SLC2A12: variants seen among roughly 807,000 people sequenced by gnomAD.
The protein encoded by SLC2A12 is solute carrier family 2 member 12.
SLC2A12 carries 23 observed loss-of-function variants against 41.8 expected under a neutral mutation model. The ratio of observed to expected loss-of-function variants is 0.55; its 90% CI spans 0.40 to 0.78. The LOEUF (loss-of-function observed/expected upper bound fraction) is 0.78. Among genes scored for constraint, SLC2A12 ranks in the 30% least tolerant of loss-of-function variants. The pLI is 0.00. For missense variants in SLC2A12, 654 were observed against 745.6 expected (o/e 0.88, Z 1.43); for synonymous variants, 295 against 285.9 (o/e 1.03, Z -0.32).
intron 4 of SLC2A12, among the ~76,000 whole-genome samples, chr6:133,992,552 T>A (rs1329914033): frequency 6.6e-6 from 1 of 152,192 alleles, no homozygotes; most frequent in Non-Finnish European, 1.5e-5. Context: ...GTTGTGTGTT[T>A]GATTCAGCCA....
intron 1 of SLC2A12, among the ~76,000 whole-genome samples, chr6:134,041,136 C>G (rs9885805): frequency 0.083 from 12,635 of 152,156 alleles, 1,468 homozygotes; most frequent in African/African-American, 0.26. Context: ...TTAAAGCAGT[C>G]TGTATTTCTT....
rs151202816 is a variant in SLC2A12, at chr6:134,028,849, C to A, written c.976G>T (p.Val326Phe). The change falls in exon 2 of 5, where the codon GTC becomes TTC. Residue 326 changes from valine (V) to phenylalanine (F), a missense_variant. Physicochemically the swap from Val to Phe is conservative, Grantham distance 50. Around this residue, in one of 3 missense-constraint regions of SLC2A12, gnomAD observed 411 missense variants for 412.1 expected, o/e 1.00. Transcript: ENST00000275230. ...GCAGGGATGGTGCTAATGACCTTGA[C>A]GACTCCAACCCCAGTGGAGGCGAGG... The part of the protein sequence containing the change: ...ASLASTGVGV[V>F]KVISTIPATL... 14 of 1,614,182 alleles carry A rather than the reference C, an allele frequency of 8.7e-6. No individual in the cohort carries two copies. The highest frequency in any genetic ancestry group is 1.2e-5 in the Non-Finnish European group (14 of 1,180,044).
At chr6:134,036,410 C>T (rs374642781) in intron 1 of SLC2A12, among the ~76,000 whole-genome samples, 22 of 152,330 alleles carry the variant, frequency 1.4e-4, no homozygotes, top group South Asian at 1.2e-3. Flanking sequence ...CTGAAGTCCA[C>T]TTCTCAGTCC....
intron 1 of SLC2A12, among the ~76,000 whole-genome samples, chr6:134,034,134 T>C (rs1777260882): frequency 6.6e-6 from 1 of 152,218 alleles, no homozygotes. Flanking sequence ...TTCTATATGA[T>C]AACATATATC....
intron 2 of SLC2A12, among the ~76,000 whole-genome samples, chr6:134,022,538 GAAAAGAAAAGAAAAGA>G (rs1469573144): frequency 1.2e-4 from 1 of 8,586 alleles, no homozygotes; most frequent in African/African-American, 1.1e-3. Flanking sequence ...TCTCAAAAAA[GAAAAGAAAAGAAAAGA>G]AAAGAAAAGA....
chr6:134,029,431 C>A lies in SLC2A12; in HGVS notation c.394G>T (p.Val132Phe). 1 of 1,614,106 alleles carries A rather than the reference C, an allele frequency of 6.2e-7. No individual in the cohort carries two copies. The highest frequency in any genetic ancestry group is 8.5e-7 in the Non-Finnish European group (1 of 1,180,026). The change falls in exon 2 of 5, where the codon GTT becomes TTT. Residue 132 changes from valine to phenylalanine, a missense_variant. Val to Phe is a conservative substitution (Grantham distance 50). Coordinates refer to ENST00000275230, the MANE Select transcript of SLC2A12 (RefSeq NM_145176.3). ...LVLILSLSYT[V>F]LIVGRIAIGV... ...ATGGCAATGCGTCCCACTATAAGAA[C>A]CGTGTAGGATAAACTGAGGATCAAG...
chr6:134,035,401 T>C (rs536600500), intron 1 of SLC2A12, among the ~76,000 whole-genome samples: 15 of 151,206 alleles, frequency 9.9e-5, no homozygotes, highest in African/African-American at 1.5e-4. Context: ...TCCTGCCCTC[T>C]GCCCAGGAGG....
rs59102121 is a variant in SLC2A12 at position 133,987,648 on chromosome 6, G to GTATATATATATATA, written c.*3493_*3506dup. The GTATATATATATATA allele has an allele frequency of 2.6e-4, 23 of 88,394 alleles. No individual in the cohort carries two copies. The highest frequency in any genetic ancestry group is 8.0e-4 in the African/African-American group (22 of 27,576). 5.5% of individuals were successfully genotyped at this position (88,394 alleles called of 1,614,324 possible). ...TTTGTGTGTGTGTGTGTGTGTGTGT[G>GTATATATATATATA]TATATATATATATATATATGCACCA... is the stretch of plus-strand genomic sequence containing the variant. On this transcript the variant is annotated 3_prime_UTR_variant, in exon 5 of 5. Coordinates refer to ENST00000275230, the MANE Select transcript of SLC2A12 (RefSeq NM_145176.3).
intron 1 of SLC2A12, among the ~76,000 whole-genome samples, chr6:134,045,966 G>A (rs1386686450): frequency 2.0e-5 from 3 of 152,166 alleles, no homozygotes; most frequent in African/African-American, 7.2e-5. Context: ...TTCCTCCTGT[G>A]ATTTTGTCTG....
intron 2 of SLC2A12, among the ~76,000 whole-genome samples, chr6:134,012,222 A>G (rs1776896805): frequency 6.6e-6 from 1 of 152,208 alleles, no homozygotes; most frequent in East Asian, 1.9e-4. Flanking sequence ...TGGATTACTT[A>G]AATTACAAAC....
At position 134,052,428 on chromosome 6, in the gene SLC2A12, G is replaced by C; in HGVS notation, c.53C>G (p.Thr18Arg). 1 of 1,613,498 alleles carries C rather than the reference G, an allele frequency of 6.2e-7. No homozygotes were observed. Among genetic ancestry groups the C allele is most frequent in the Non-Finnish European group, 8.5e-7 (1 of 1,180,034 alleles). The change falls in exon 1 of 5, where the codon ACA (threonine) becomes AGA (arginine). Residue 18 changes from threonine to arginine, a missense_variant. By Grantham distance (71) the Thr-to-Arg change is moderately conservative. This residue lies in a region of SLC2A12 where 109 missense variants were observed against 153.0 expected (regional missense o/e 0.71). Transcript: ENST00000275230. ...EGPSLLNQKG[T>R]AVETEGSGSR... ...GCCGCTGCCCTCCGTCTCCACGGCT[G>C]TCCCCTTCTGGTTCAGCAGACTGGG...
chr6:134,015,249 C>T (rs1442088225), intron 2 of SLC2A12, among the ~76,000 whole-genome samples: 4 of 152,134 alleles, frequency 2.6e-5, no homozygotes, highest in African/African-American at 9.7e-5. Context: ...CTCCTGTTAA[C>T]ACTTTTACAC....
At chr6:134,033,911 G>A (rs1777257441) in intron 1 of SLC2A12, among the ~76,000 whole-genome samples, 1 of 152,002 alleles carries the variant, frequency 6.6e-6, no homozygotes. Flanking sequence ...CCTGACAGAA[G>A]AGGGACCCAA....
chr6:134,012,415 T>C (rs767259587), intron 2 of SLC2A12, among the ~76,000 whole-genome samples: 17 of 152,176 alleles, frequency 1.1e-4, no homozygotes, highest in Admixed American at 5.2e-4. Flanking sequence ...CAGGCACCAA[T>C]TGGGGATAAG....
At chr6:134,024,845 TTAAG>T (rs778564354) in intron 2 of SLC2A12, among the ~76,000 whole-genome samples, 1 of 152,250 alleles carries the variant, frequency 6.6e-6, no homozygotes, top group African/African-American at 2.4e-5. Flanking sequence ...ACTCCAGCTA[TTAAG>T]TAAGAGAGAA....
intron 1 of SLC2A12, among the ~76,000 whole-genome samples, chr6:134,039,557 C>A (rs1182313736): frequency 6.6e-6 from 1 of 150,820 alleles, no homozygotes; most frequent in Non-Finnish European, 1.5e-5. Context: ...AATAACCTAG[C>A]CCCTAAATTT....
intron 2 of SLC2A12, among the ~76,000 whole-genome samples, chr6:134,023,427 G>C (rs1777072038): frequency 6.6e-6 from 1 of 152,194 alleles, no homozygotes; most frequent in African/African-American, 2.4e-5. Flanking sequence ...AAGTGGTAAA[G>C]AACCCTGGTA....
At chr6:134,018,948 TC>T (rs1777004218) in intron 2 of SLC2A12, among the ~76,000 whole-genome samples, 1 of 152,194 alleles carries the variant, frequency 6.6e-6, no homozygotes, top group Non-Finnish European at 1.5e-5. Context: ...GGCTGGAATT[TC>T]TGCCCATTTG....
chr6:134,033,275 G>A (rs1021243517), intron 1 of SLC2A12, among the ~76,000 whole-genome samples: 1 of 151,954 alleles, frequency 6.6e-6, no homozygotes, highest in African/African-American at 2.4e-5. Context: ...TTAATTTTGT[G>A]TGCTGTTTGA....
Sources: gnomAD v4.1 joint callset for allele counts (sites outside exome capture counted in the v4.1 genomes callset) on GRCh38, gnomAD v4.1.1 for gene constraint, gnomAD v4.1.1 regional missense constraint, MANE v1.5 for transcripts, NCBI Gene and HGNC (gene_info 2026-07-23, HGNC 2026-07-21) for gene names.